Variants in ACAD10 observed in about 807,000 individuals in gnomAD.
The protein encoded by ACAD10 is ACAD-10.
A neutral mutation model predicts 116.8 loss-of-function variants in ACAD10; 112 were observed. The ratio of observed to expected loss-of-function variants is 0.96; its 90% confidence interval spans 0.82 to 1.12. ACAD10 has a LOEUF of 1.12. ACAD10 is among the 50% of genes most tolerant of loss of function. The pLI, the probability that ACAD10 is intolerant of heterozygous loss-of-function variation, is 0.00. For synonymous variants in ACAD10, 486 were observed against 510.6 expected (o/e 0.95, Z 0.65); for missense variants, 1,259 against 1,350.2 (o/e 0.93, Z 1.06).
intron 7 of ACAD10, among the ~76,000 whole-genome samples, chr12:111,717,438 A>C (rs1447310077): frequency 6.6e-6 from 1 of 152,066 alleles, no homozygotes; most frequent in East Asian, 1.9e-4. Flanking sequence ...CCAGTCTGTG[A>C]GATTTCATAG....
chr12:111,697,778 G>C (rs746114734), intron 2 of ACAD10, among the ~76,000 whole-genome samples: 1 of 151,582 alleles, frequency 6.6e-6, no homozygotes. Context: ...TTAGAGACAG[G>C]TTTCACTGTG....
At chr12:111,692,117 C>A (rs1327096820) in intron 1 of ACAD10, among the ~76,000 whole-genome samples, 1 of 152,036 alleles carries the variant, frequency 6.6e-6, no homozygotes, top group Non-Finnish European at 1.5e-5. Context: ...TACAGGCATG[C>A]GCCACCATGC....
chr12:111,698,954 A>G (rs1363050610), intron 2 of ACAD10, among the ~76,000 whole-genome samples: 1 of 152,082 alleles, frequency 6.6e-6, no homozygotes, highest in Admixed American at 6.5e-5. Flanking sequence ...ACCTCGGCTC[A>G]CTGCAACCTC....
At chr12:111,688,834 TGCAGCTC>T (rs1201395760) in intron 1 of ACAD10, among the ~76,000 whole-genome samples, 1 of 151,384 alleles carries the variant, frequency 6.6e-6, no homozygotes, top group African/African-American at 2.4e-5. Context: ...GCAAAAAAAG[TGCAGCTC>T]GCTGCCAGCA....
rs2068091508 is a variant in ACAD10 at position 111,757,091 on chromosome 12, C to G, written c.*618C>G. 1 of 353,524 alleles carries G rather than the reference C, an allele frequency of 2.8e-6. No individual in the cohort carries two copies. The highest frequency in any genetic ancestry group is 5.6e-6 in the Non-Finnish European group (1 of 177,332). 21.9% of individuals were successfully genotyped at this position (353,524 alleles called of 1,614,324 possible). On this transcript the variant is annotated 3_prime_UTR_variant, in exon 21 of 21. Coordinates refer to ENST00000313698, the MANE Select transcript of ACAD10 (RefSeq NM_025247.6). ...GACACAGAAGAATAAGTAAACACAT[C>G]TCGGAGGCTTTGTGGACTTTCTGTG... is the stretch of plus-strand genomic sequence containing the variant.
intron 6 of ACAD10, chr12:111,715,375 C>G (rs1307763241): frequency 5.7e-6 from 1 of 174,250 alleles, no homozygotes; most frequent in Non-Finnish European, 1.2e-5. Flanking sequence ...CTCTGTGTCA[C>G]TCCTTTCAGC....
chr12:111,733,295 C>T (rs1219374431), intron 10 of ACAD10, among the ~76,000 whole-genome samples: 2 of 151,940 alleles, frequency 1.3e-5, no homozygotes, highest in Non-Finnish European at 2.9e-5. Flanking sequence ...GAGATAGGAT[C>T]TTGTTATGTT....
At chr12:111,734,593 C>G (rs1889494109) in intron 11 of ACAD10, among the ~76,000 whole-genome samples, 1 of 152,142 alleles carries the variant, frequency 6.6e-6, no homozygotes, top group African/African-American at 2.4e-5. Flanking sequence ...CATTGCACTC[C>G]AGCCTGGGCA....
At chr12:111,734,143 T>A in intron 11 of ACAD10, 75 bp downstream of exon 11, 1 of 1,597,484 alleles carries the variant, frequency 6.3e-7, no homozygotes, top group Non-Finnish European at 8.6e-7. Flanking sequence ...TCAGCTGAAG[T>A]AGTCCGTGAT....
At chr12:111,714,766 G>T (rs1470767503) in intron 6 of ACAD10, among the ~76,000 whole-genome samples, 1 of 151,468 alleles carries the variant, frequency 6.6e-6, no homozygotes, top group Non-Finnish European at 1.5e-5. Flanking sequence ...AGGCTGGAGT[G>T]CAATGGCATG....
In ACAD10 at chr12:111,756,466, G is replaced by A. The variant is rs768575444; in HGVS notation, c.3173G>A (p.Arg1058His). 1.9e-5 allele frequency: 30 copies of A among 1,611,904 alleles called. No individual in the cohort carries two copies. Among genetic ancestry groups the A allele is most frequent in the South Asian group, 5.5e-5 (5 of 90,890 alleles). ...ATVAKLELKH[R>H]I ...GTGGCCAAGCTAGAGCTGAAGCACC[G>A]CATTTAGAGCCTTGGGGCTGCAGTG... Residue 1058 changes from arginine to histidine, a missense_variant, in exon 21 of 21, where the codon CGC becomes CAC. Coordinates refer to ENST00000313698, the MANE Select transcript of ACAD10 (RefSeq NM_025247.6).
intron 5 of ACAD10, among the ~76,000 whole-genome samples, chr12:111,710,942 G>A (rs1888661240): frequency 6.6e-6 from 1 of 152,106 alleles, no homozygotes; most frequent in South Asian, 2.1e-4. Flanking sequence ...GCTTCTCTCT[G>A]CAGGATAGAA....
chr12:111,735,814 T>A (rs957194386), intron 11 of ACAD10, among the ~76,000 whole-genome samples: 20 of 151,976 alleles, frequency 1.3e-4, no homozygotes, highest in African/African-American at 4.8e-4. Flanking sequence ...ATCTTTTTAT[T>A]TTTATATTTA....
chr12:111,747,194 G>A lies in ACAD10; in HGVS notation c.2394+8G>A, dbSNP rs371833332. ...GCTATGACCGAGCCCCAGGTACGTC[G>A]CCTGGGCTGCCACCCACTTGCCTGG... is the stretch of plus-strand genomic sequence containing the variant. On this transcript the variant is annotated splice_region_variant and intron_variant, in intron 15 of 20. Transcript: ENST00000313698. The A allele has an allele frequency of 1.2e-5, 20 of 1,608,016 alleles. No homozygotes were observed. Among genetic ancestry groups the A allele is most frequent in the Admixed American group, 6.7e-5 (4 of 59,782 alleles).
chr12:111,747,478 T>C, intron 16 of ACAD10, 93 bp downstream of exon 16: 2 of 1,583,632 alleles, frequency 1.3e-6, no homozygotes, highest in South Asian at 1.1e-5. Flanking sequence ...CTCTGCTTTT[T>C]CAAGTTGACA....
In ACAD10 at chr12:111,737,032, A is replaced by T. The variant is rs1172150639; in HGVS notation, c.1714+28A>T. The T allele has an allele frequency of 2.5e-6, 4 of 1,608,422 alleles. No individual in the cohort carries two copies. The Admixed American group carries it at 6.7e-5, about 27-fold the overall frequency. ...AATGGGATGGCTGCCCTGAAGAGCC[A>T]CTGCGGGGTGAGTCACAGCAAGGAC... On this transcript the variant is annotated intron_variant, in intron 12 of 20. Transcript: ENST00000313698.
chr12:111,692,694 C>G lies in ACAD10; in HGVS notation c.-13-3C>G. 6.2e-7 allele frequency: 1 copy of G among 1,609,524 alleles called. No individual in the cohort carries two copies. Among genetic ancestry groups the G allele is most frequent in the East Asian group, 2.2e-5 (1 of 44,844 alleles). On this transcript the variant is annotated splice_polypyrimidine_tract_variant and splice_region_variant and intron_variant, in intron 1 of 20. Transcript: ENST00000313698. ...TAACGCCCTGTGCCTTCTTCCCACA[C>G]AGCCTCAGCCTCACCATGTGTGTCA...
chr12:111,739,590 C>T (rs1159867565), intron 12 of ACAD10, among the ~76,000 whole-genome samples: 1 of 152,088 alleles, frequency 6.6e-6, no homozygotes, highest in Non-Finnish European at 1.5e-5. Flanking sequence ...AACCCTGTCT[C>T]TACTAAAAAA....
At chr12:111,755,623 G>C in intron 19 of ACAD10, 45 bp from the exon 20 acceptor site, 1 of 1,505,306 alleles carries the variant, frequency 6.6e-7, no homozygotes. Flanking sequence ...CTGCCACCCA[G>C]GCTGCCCTCG....
Sources: allele counts gnomAD v4.1 joint callset (sites outside exome capture counted in the v4.1 genomes callset), GRCh38; gene constraint gnomAD v4.1.1; transcripts MANE v1.5; gene names NCBI Gene and HGNC (gene_info 2026-07-23, HGNC 2026-07-21).